Variants in FOXJ3 observed in about 807,000 individuals in gnomAD.
The protein encoded by FOXJ3 is forkhead box protein J3.
FOXJ3 carries 22 observed loss-of-function variants against 76.1 expected under a neutral mutation model. The observed-to-expected ratio is 0.29, with a 90% CI of 0.21 to 0.41. The LOEUF is 0.41. Among genes scored for constraint, FOXJ3 ranks in the 10% least tolerant of loss-of-function variants. The pLI is 1.00. For missense variants in FOXJ3, 613 were observed against 762.1 expected, an observed-to-expected ratio of 0.80 and a Z score of 2.30; for synonymous variants, 269 against 261.2, an observed-to-expected ratio of 1.03 and a Z score of -0.29.
At chr1:42,199,982 G>A (rs1251316393) in intron 6 of FOXJ3, among the ~76,000 whole-genome samples, 2 of 134,182 alleles carry the variant, frequency 1.5e-5, no homozygotes, top group Non-Finnish European at 3.1e-5. Flanking sequence ...ACTCCAGCCT[G>A]GTGACAGAGC....
intron 2 of FOXJ3, chr1:42,280,211 G>T: frequency 5.4e-6 from 3 of 560,126 alleles, no homozygotes; most frequent in Non-Finnish European, 6.8e-6. Flanking sequence ...TCTTGGGAGG[G>T]CACCAATGCA....
intron 4 of FOXJ3, among the ~76,000 whole-genome samples, chr1:42,249,130 A>G (rs746238839): frequency 6.6e-6 from 1 of 152,158 alleles, no homozygotes; most frequent in East Asian, 1.9e-4. Flanking sequence ...TATGTACCAT[A>G]TTCTCTTTAT....
intron 3 of FOXJ3, among the ~76,000 whole-genome samples, chr1:42,269,096 G>C (rs1373362879): frequency 1.3e-5 from 2 of 151,974 alleles, no homozygotes; most frequent in Non-Finnish European, 2.9e-5. Flanking sequence ...TCTTTTTGTT[G>C]TTATAGCAGC....
chr1:42,200,279 T>C (rs924982975), intron 6 of FOXJ3, among the ~76,000 whole-genome samples: 4 of 152,194 alleles, frequency 2.6e-5, no homozygotes, highest in Non-Finnish European at 2.9e-5. Flanking sequence ...TTTCCTATTT[T>C]TGAACTAAGT....
At chr1:42,227,739 G>C in intron 5 of FOXJ3, 144 bp downstream of exon 5, 1 of 432,054 alleles carries the variant, frequency 2.3e-6, no homozygotes, top group Non-Finnish European at 4.1e-6. Flanking sequence ...AGTCTGAAAA[G>C]TGTTCTGAAA....
chr1:42,233,795 C>T (rs1322342360), intron 4 of FOXJ3, among the ~76,000 whole-genome samples: 1 of 143,768 alleles, frequency 7.0e-6, no homozygotes, highest in African/African-American at 2.6e-5. Flanking sequence ...TTTCCTTCTC[C>T]TGCCTCATTG....
At chr1:42,244,672 A>C (rs1046857793) in intron 4 of FOXJ3, among the ~76,000 whole-genome samples, 5 of 152,068 alleles carry the variant, frequency 3.3e-5, no homozygotes, top group African/African-American at 1.2e-4. Flanking sequence ...AAAAGAGAGA[A>C]GACCCAAATA....
At chr1:42,194,019 A>G (rs1482954106) in intron 8 of FOXJ3, among the ~76,000 whole-genome samples, 5 of 152,344 alleles carry the variant, frequency 3.3e-5, no homozygotes, top group Admixed American at 6.5e-5. Context: ...GCCAGACACC[A>G]TATCTGCTGG....
intron 1 of FOXJ3, among the ~76,000 whole-genome samples, chr1:42,324,034 C>T (rs1027771225): frequency 2.7e-5 from 2 of 72,856 alleles, no homozygotes; most frequent in Admixed American, 1.6e-4. Flanking sequence ...TATATATATA[C>T]ACACTATATA....
At chr1:42,296,055 T>C (rs989306242) in intron 2 of FOXJ3, among the ~76,000 whole-genome samples, 3 of 152,218 alleles carry the variant, frequency 2.0e-5, no homozygotes, top group African/African-American at 7.2e-5. Flanking sequence ...TGGTATAAGA[T>C]GGTATCTCAT....
chr1:42,334,416 G>C (rs992264987), intron 1 of FOXJ3, among the ~76,000 whole-genome samples: 1 of 152,146 alleles, frequency 6.6e-6, no homozygotes, highest in African/African-American at 2.4e-5. Flanking sequence ...AAATGGAGCT[G>C]GGAGGGGGGG....
chr1:42,323,558 A>G (rs1655556343), intron 1 of FOXJ3: 2 of 211,742 alleles, frequency 9.4e-6, no homozygotes, highest in African/African-American at 2.4e-5. Flanking sequence ...ATCTTAATCC[A>G]AACACTATCT....
intron 1 of FOXJ3, among the ~76,000 whole-genome samples, chr1:42,322,966 A>G (rs975342104): frequency 2.0e-5 from 3 of 152,160 alleles, no homozygotes; most frequent in African/African-American, 7.2e-5. Flanking sequence ...ATTAAAAAAT[A>G]TCACCTATGG....
intron 2 of FOXJ3, among the ~76,000 whole-genome samples, chr1:42,291,095 C>CAGAT (rs751495396): frequency 0.052 from 7,490 of 143,810 alleles, 251 homozygotes; most frequent in South Asian, 0.062. Context: ...GACAGACAGA[C>CAGAT]AGACAGATAG....
rs138450918 is a variant in FOXJ3, at chr1:42,242,628, C to T, written c.445-14662G>A. ...GCCACCACTACTGCCATCATTCATG[C>T]CACACATGCTGCCCAGGTGACCAAG... On this transcript the variant is annotated intron_variant, in intron 4 of 12. Transcript: ENST00000361346. Among the ~76,000 whole-genome samples the T allele has an allele frequency of 2.6e-5, 4 of 151,340 alleles. 1 individual carries two copies. Among genetic ancestry groups the T allele is most frequent in the African/African-American group, 9.7e-5 (4 of 41,258 alleles).
At chr1:42,291,095 C>CAGACAGACAGATAGAT (rs373400153) in intron 2 of FOXJ3, among the ~76,000 whole-genome samples, 1 of 145,266 alleles carries the variant, frequency 6.9e-6, no homozygotes, top group African/African-American at 2.6e-5. Context: ...GACAGACAGA[C>CAGACAGACAGATAGAT]AGACAGATAG....
chr1:42,273,051 T>A (rs777746181), intron 3 of FOXJ3, among the ~76,000 whole-genome samples: 1 of 152,184 alleles, frequency 6.6e-6, no homozygotes, highest in Non-Finnish European at 1.5e-5. Context: ...ACCACTCAAT[T>A]TAGATTATCA....
intron 2 of FOXJ3, among the ~76,000 whole-genome samples, chr1:42,295,364 T>C (rs1177172139): frequency 6.6e-6 from 1 of 152,168 alleles, no homozygotes; most frequent in Non-Finnish European, 1.5e-5. Context: ...TCCAACTCCA[T>C]GTTGCTGAAA....
At chr1:42,318,440 C>T (rs754144982) in intron 1 of FOXJ3, among the ~76,000 whole-genome samples, 1 of 152,180 alleles carries the variant, frequency 6.6e-6, no homozygotes, top group Non-Finnish European at 1.5e-5. Flanking sequence ...CTCCCAGGTT[C>T]AAGCGATTCT....
Sources: gnomAD v4.1 joint callset for allele counts (sites outside exome capture counted in the v4.1 genomes callset) on GRCh38, gnomAD v4.1.1 for gene constraint, MANE v1.5 for transcripts, NCBI Gene and HGNC (gene_info 2026-07-23, HGNC 2026-07-21) for gene names.